CCNF: variants seen among roughly 807,000 people sequenced by gnomAD.
CCNF encodes the protein cyclin-F.
In CCNF, 30 loss-of-function variants were observed where a neutral mutation model predicts 85.4. The observed-to-expected ratio is 0.35, with a 90% confidence interval of 0.26 to 0.48. The LOEUF is 0.48. Ranked by LOEUF, CCNF falls within the 20% of genes least tolerant of loss-of-function variation. The probability of loss-of-function intolerance (pLI) is 0.99; values close to 1 mark genes in which losing one functional copy is unlikely to be tolerated. For missense variants in CCNF, 919 were observed against 1,010.4 expected (o/e 0.91, Z 1.23); for synonymous variants, 439 against 425.1 (o/e 1.03, Z -0.40).
At position 2,453,609 on chromosome 16, in the gene CCNF, T is replaced by C; in HGVS notation, c.1715+72T>C. ...CGTGCCGGCCCAGTTCCCTCAGCGC[T>C]TCCTCACACAGAGAGGCCCCCAAGG... On this transcript the variant is annotated intron_variant, in intron 15 of 16. Coordinates refer to ENST00000397066, the MANE Select transcript of CCNF (RefSeq NM_001761.3). This position sits in a 1 kb window ranked among gnomAD's most constrained non-coding sequence, Gnocchi z 5.6. 1 of 1,584,072 alleles carries C rather than the reference T, an allele frequency of 6.3e-7. No individual in the cohort carries two copies. The highest frequency in any genetic ancestry group is 8.6e-7 in the Non-Finnish European group (1 of 1,159,688).
At chr16:2,437,064 T>G in intron 4 of CCNF, 65 bp from the exon 5 acceptor site, 1 of 1,364,048 alleles carries the variant, frequency 7.3e-7, no homozygotes, top group Non-Finnish European at 9.9e-7. Flanking sequence ...ACCAAGACCA[T>G]GGAGAGCTTT....
At chr16:2,449,059 T>A in intron 11 of CCNF, 81 bp downstream of exon 11, 1 of 1,540,966 alleles carries the variant, frequency 6.5e-7, no homozygotes, top group Non-Finnish European at 9.0e-7. Context: ...GCTTTCCTGC[T>A]GTGGGAGGGC....
Position 2,456,382 on chromosome 16 carries a change from G to A in CCNF, c.1886-163G>A, listed in dbSNP as rs1461827600. The A allele has an allele frequency of 4.2e-6, 2 of 480,286 alleles. No individual in the cohort carries two copies. Among genetic ancestry groups the A allele is most frequent in the Admixed American group, 3.8e-5 (1 of 26,348 alleles). The allele number at this position is 480,286 out of a possible 1,614,324, so 29.8% of individuals were successfully genotyped here. Reference sequence around the variant, plus strand: ...GTCATGGCGGGCAGCTGTCCAACTTGGAAGAGGCATGTCACCCACGCTTCT... The same window carrying A: ...GTCATGGCGGGCAGCTGTCCAACTTAGAAGAGGCATGTCACCCACGCTTCT... On this transcript the variant is annotated intron_variant, in intron 16 of 16. Transcript: ENST00000397066. The surrounding 1 kb of genome is among the most constrained non-coding windows in gnomAD (Gnocchi z 4.5).
At chr16:2,439,126 C>T (rs1179149456) in intron 6 of CCNF, among the ~76,000 whole-genome samples, 3 of 150,448 alleles carry the variant, frequency 2.0e-5, no homozygotes, top group African/African-American at 4.9e-5. Flanking sequence ...GGTGAAACCC[C>T]GTCTCTACTA....
chr16:2,433,928 G>A (rs987467074), intron 3 of CCNF, among the ~76,000 whole-genome samples: 4 of 152,228 alleles, frequency 2.6e-5, no homozygotes, highest in Non-Finnish European at 5.9e-5. Context: ...CCATGTTGCC[G>A]CGGCCATGCT....
chr16:2,439,006 C>A (rs1201800306), intron 6 of CCNF, among the ~76,000 whole-genome samples: 1 of 148,996 alleles, frequency 6.7e-6, no homozygotes, highest in Non-Finnish European at 1.5e-5. Context: ...TCAACAACAA[C>A]AAAAAAACCA....
At chr16:2,448,058 G>T (rs1383054712) in intron 10 of CCNF, among the ~76,000 whole-genome samples, 3 of 152,248 alleles carry the variant, frequency 2.0e-5, no homozygotes, top group South Asian at 2.1e-4. Context: ...GATAGTTGGC[G>T]CTGGTTGACA....
At chr16:2,449,795 T>TCCCCTCCAC in intron 12 of CCNF, 33 bp from the exon 13 acceptor site, 1 of 484,138 alleles carries the variant, frequency 2.1e-6, no homozygotes, top group Non-Finnish European at 4.0e-6. Context: ...GTCCCCTCCA[T>TCCCCTCCAC]CCCCTCCACC....
intron 8 of CCNF, among the ~76,000 whole-genome samples, chr16:2,441,977 A>ATATATATCTATC (rs1411330927): frequency 1.0e-5 from 1 of 95,856 alleles, no homozygotes; most frequent in Non-Finnish European, 2.2e-5. Flanking sequence ...ATATATATAT[A>ATATATATCTATC]TATATGTTTT....
Position 2,451,024 on chromosome 16 carries a change from C to T in CCNF, c.1487+1109C>T, listed in dbSNP as rs115883599. ...GGGCTTCCCTCCACCTGCCCCGGCC[C>T]CTCCGCCCTTCTCTCTGGTGAGCCT... On this transcript the variant is annotated intron_variant, in intron 13 of 16. Coordinates refer to ENST00000397066, the MANE Select transcript of CCNF (RefSeq NM_001761.3). This position sits in a 1 kb window ranked among gnomAD's most constrained non-coding sequence, Gnocchi z 4.3. Among the ~76,000 whole-genome samples the T allele has an allele frequency of 9.6e-3, 1,467 of 152,336 alleles. 23 individuals carry two copies. The highest frequency in any genetic ancestry group is 0.033 in the African/African-American group (1,354 of 41,572).
In CCNF at chr16:2,451,921, C is replaced by CA. The variant is rs1177375965; in HGVS notation, c.1488-1288dup. On this transcript the variant is annotated intron_variant, in intron 13 of 16. Coordinates refer to ENST00000397066, the MANE Select transcript of CCNF (RefSeq NM_001761.3). The surrounding 1 kb of genome is among the most constrained non-coding windows in gnomAD (Gnocchi z 4.3). The stretch of plus-strand genomic sequence containing the variant: ...AGGCCACATCTCAACCTTGACCTGC[C>CA]ACCCCCCTGCCAGCGTGACTCAGCC... Among the ~76,000 whole-genome samples the CA allele has an allele frequency of 1.3e-5, 2 of 152,206 alleles. No homozygotes were observed. The highest frequency in any genetic ancestry group is 4.8e-5 in the African/African-American group (2 of 41,444).
chr16:2,452,974 A>G lies in CCNF; in HGVS notation c.1488-236A>G. The stretch of plus-strand genomic sequence containing the variant: ...TTTGCCTATTGTGAACAGTCCTGCC[A>G]TGAACATTCTAGTACAGGTTTCTGT... On this transcript the variant is annotated intron_variant, in intron 13 of 16. Transcript: ENST00000397066. This position sits in a 1 kb window ranked among gnomAD's most constrained non-coding sequence, Gnocchi z 4.1. 5.2e-6 allele frequency: 3 copies of G among 578,174 alleles called. No homozygotes were observed. Among genetic ancestry groups the G allele is most frequent in the Non-Finnish European group, 9.3e-6 (3 of 322,910 alleles). The allele number at this position is 578,174 out of a possible 1,614,324, so 35.8% of individuals were successfully genotyped here. A position where few individuals can be genotyped will look rare whatever the true frequency, so the allele number is the denominator to read the frequency against.
intron 1 of CCNF, among the ~76,000 whole-genome samples, chr16:2,429,896 C>T (rs934474141): frequency 6.6e-6 from 1 of 152,188 alleles, no homozygotes; most frequent in Non-Finnish European, 1.5e-5. Flanking sequence ...CCCGGCCGGG[C>T]CCTGACCGAG....
At chr16:2,434,605 C>T (rs139608155) in intron 3 of CCNF, among the ~76,000 whole-genome samples, 36 of 152,244 alleles carry the variant, frequency 2.4e-4, no homozygotes, top group African/African-American at 7.0e-4. Context: ...AGCGAGACTC[C>T]GTCTCAAAAT....
In CCNF at chr16:2,458,605, CT is replaced by C. The variant is rs2065445213; in HGVS notation, c.*1589del. On this transcript the variant is annotated 3_prime_UTR_variant, in exon 17 of 17. Coordinates refer to ENST00000397066, the MANE Select transcript of CCNF (RefSeq NM_001761.3). ...ATGGGAGATGCTCACTGAGCTGCTG[CT>C]TTTATGTGTGCTGGTGCTATGTGTG... is the stretch of plus-strand genomic sequence containing the variant. 6.6e-6 allele frequency: 1 copy of C among 152,294 alleles called. No individual in the cohort carries two copies. Among genetic ancestry groups the C allele is most frequent in the African/African-American group, 2.4e-5 (1 of 41,434 alleles). 9.4% of individuals were successfully genotyped at this position (152,294 alleles called of 1,614,324 possible).
chr16:2,437,681 G>C, intron 5 of CCNF: 1 of 316,168 alleles, frequency 3.2e-6, no homozygotes, highest in South Asian at 4.9e-5. Flanking sequence ...TTGTGGCCAG[G>C]TGTTCGAGAC....
chr16:2,450,752 C>A (rs1348243050), intron 13 of CCNF, among the ~76,000 whole-genome samples: 1 of 152,206 alleles, frequency 6.6e-6, no homozygotes, highest in Non-Finnish European at 1.5e-5. Flanking sequence ...TGGCAGCAGC[C>A]ACCCTCACTG....
At chr16:2,454,415 C>T (rs763679290) in intron 15 of CCNF, among the ~76,000 whole-genome samples, 25 of 152,186 alleles carry the variant, frequency 1.6e-4, no homozygotes, top group Non-Finnish European at 3.5e-4. Context: ...CAGATACGCA[C>T]GGCTACTCCA....
rs1417035088 is a variant in CCNF, at chr16:2,439,761, G to A, written c.712G>A (p.Gly238Arg). 6.2e-7 allele frequency: 1 copy of A among 1,614,086 alleles called. No individual in the cohort carries two copies. The highest frequency in any genetic ancestry group is 1.7e-5 in the Admixed American group (1 of 60,020). Residue 238 changes from glycine to arginine, a missense_variant, in exon 8 of 17, where the codon GGG (glycine) becomes AGG (arginine). Transcript: ENST00000397066. ...SDRRTDVSDP[G>R]RCLHSFRKLR... ...CTCCCATTGACAGGTGTCAGATCCT[G>A]GGCGATGCCTCCACAGCTTCCGAAA...
Sources: allele counts gnomAD v4.1 joint callset (sites outside exome capture counted in the v4.1 genomes callset), GRCh38; gene constraint gnomAD v4.1.1; non-coding constraint Gnocchi (gnomAD v3.1); transcripts MANE v1.5; gene names NCBI Gene and HGNC (gene_info 2026-07-23, HGNC 2026-07-21).